The following PDGFC variants were observed in gnomAD, a reference collection of about 807,000 sequenced individuals.
The protein encoded by PDGFC is platelet-derived growth factor C.
In PDGFC, 12 loss-of-function variants were observed where a neutral mutation model predicts 35.5. The ratio of observed to expected loss-of-function variants is 0.34; its 90% CI spans 0.22 to 0.55. The LOEUF (loss-of-function observed/expected upper bound fraction) is 0.55, where lower values mean the gene tolerates loss of function less well. Among genes scored for constraint, PDGFC ranks in the 20% least tolerant of loss-of-function variants. The pLI is 0.91. For synonymous variants in PDGFC, 159 were observed against 148.8 expected (o/e 1.07, Z -0.50); for missense variants, 322 against 412.4 (o/e 0.78, Z 1.90).
chr4:156,958,506 A>G (rs947209003), intron 1 of PDGFC, among the ~76,000 whole-genome samples: 1 of 152,060 alleles, frequency 6.6e-6, no homozygotes, highest in Non-Finnish European at 1.5e-5. Flanking sequence ...AGAAAGGCTC[A>G]TTGATTTTTA....
At chr4:156,871,236 C>T (rs1424582816) in intron 1 of PDGFC, among the ~76,000 whole-genome samples, 1 of 151,922 alleles carries the variant, frequency 6.6e-6, no homozygotes, top group Non-Finnish European at 1.5e-5. Context: ...AGCACTAAAA[C>T]AGAAATGAAT....
intron 1 of PDGFC, among the ~76,000 whole-genome samples, chr4:156,944,040 G>A (rs548040528): frequency 1.7e-4 from 26 of 152,110 alleles, no homozygotes; most frequent in Non-Finnish European, 3.7e-4. Flanking sequence ...AGTCTGCTTA[G>A]CACCTAGCCA....
intron 1 of PDGFC, among the ~76,000 whole-genome samples, chr4:156,936,030 C>A (rs1026197752): frequency 6.6e-6 from 1 of 152,274 alleles, no homozygotes; most frequent in African/African-American, 2.4e-5. Flanking sequence ...AAATCAGTAT[C>A]TTTCCTCTTC....
At chr4:156,929,653 T>TA (rs1328494658) in intron 1 of PDGFC, among the ~76,000 whole-genome samples, 1 of 152,240 alleles carries the variant, frequency 6.6e-6, no homozygotes, top group East Asian at 1.9e-4. Context: ...GTGAATGATT[T>TA]ACTGTTCAGT....
chr4:156,907,848 C>T (rs919248149), intron 1 of PDGFC, among the ~76,000 whole-genome samples: 3 of 152,108 alleles, frequency 2.0e-5, no homozygotes, highest in Non-Finnish European at 4.4e-5. Context: ...TCCAGTCCTT[C>T]CTACTGTCTC....
chr4:156,959,996 T>A (rs531727422), intron 1 of PDGFC, among the ~76,000 whole-genome samples: 1 of 151,946 alleles, frequency 6.6e-6, no homozygotes, highest in African/African-American at 2.4e-5. Context: ...TCACTAATTT[T>A]TTCTTCGTTA....
intron 1 of PDGFC, among the ~76,000 whole-genome samples, chr4:156,965,842 G>A (rs1185216805): frequency 6.6e-6 from 1 of 152,110 alleles, no homozygotes; most frequent in Non-Finnish European, 1.5e-5. Context: ...ACCCCAATAT[G>A]AACTAAAATT....
intron 2 of PDGFC, among the ~76,000 whole-genome samples, chr4:156,817,129 C>G (rs1018431140): frequency 6.6e-6 from 1 of 151,846 alleles, no homozygotes; most frequent in East Asian, 1.9e-4. Context: ...TGAGAAACTA[C>G]TCATTTAAAA....
rs868313578 is a variant in PDGFC, at chr4:156,971,691, T to C, written c.-788A>G. The stretch of plus-strand genomic sequence containing the variant: ...CCCCGCTCCTCAAAGCCTGGGGCAA[T>C]TCGGCCGCTCGGGGTCACCGCGGGG... On this transcript the variant is annotated 5_prime_UTR_variant, in exon 1 of 6. Coordinates refer to ENST00000502773, the MANE Select transcript of PDGFC (RefSeq NM_016205.3). 4.6e-5 allele frequency among the ~76,000 whole-genome samples: 7 copies of C among 151,864 alleles called. No individual in the cohort carries two copies. Among genetic ancestry groups the C allele is most frequent in the Admixed American group, 2.0e-4 (3 of 15,264 alleles).
chr4:156,936,560 T>C (rs575698831), intron 1 of PDGFC, among the ~76,000 whole-genome samples: 162 of 152,240 alleles, frequency 1.1e-3, no homozygotes, highest in African/African-American at 3.1e-3. Flanking sequence ...ATGAGGTAGA[T>C]GAAGAGTGTA....
chr4:156,933,993 G>A (rs1731617326), intron 1 of PDGFC, among the ~76,000 whole-genome samples: 1 of 152,160 alleles, frequency 6.6e-6, no homozygotes. Context: ...ATTAACAGCA[G>A]TGTGAAAATG....
At chr4:156,831,439 CTTTTTTTTTT>C (rs34254264) in intron 2 of PDGFC, among the ~76,000 whole-genome samples, 1 of 99,316 alleles carries the variant, frequency 1.0e-5, no homozygotes, top group Non-Finnish European at 1.9e-5. Flanking sequence ...GAGACCCTGT[CTTTTTTTTTT>C]TTTTTTTTTT....
intron 2 of PDGFC, among the ~76,000 whole-genome samples, chr4:156,817,516 G>C (rs1017610570): frequency 6.6e-6 from 1 of 152,124 alleles, no homozygotes; most frequent in African/African-American, 2.4e-5. Flanking sequence ...AGTAGAAAAA[G>C]TTAAGATACT....
intron 2 of PDGFC, among the ~76,000 whole-genome samples, chr4:156,846,646 T>C (rs1008650133): frequency 1.3e-5 from 2 of 151,846 alleles, no homozygotes; most frequent in African/African-American, 4.8e-5. Flanking sequence ...GGTAAGAGTT[T>C]CATATTAATG....
chr4:156,878,468 C>T (rs1259223677), intron 1 of PDGFC, among the ~76,000 whole-genome samples: 1 of 151,956 alleles, frequency 6.6e-6, no homozygotes, highest in Non-Finnish European at 1.5e-5. Flanking sequence ...AACATAATTC[C>T]TTTGTTCAAA....
chr4:156,852,452 C>G (rs1333762517), intron 1 of PDGFC, among the ~76,000 whole-genome samples: 3 of 152,144 alleles, frequency 2.0e-5, no homozygotes, highest in Non-Finnish European at 4.4e-5. Context: ...TATTTTACTT[C>G]CAGAAACCTA....
intron 1 of PDGFC, among the ~76,000 whole-genome samples, chr4:156,947,297 T>C (rs1731971658): frequency 6.6e-6 from 1 of 152,002 alleles, no homozygotes; most frequent in Non-Finnish European, 1.5e-5. Flanking sequence ...GAGGGTTACT[T>C]TGGCACTTAT....
At chr4:156,945,938 G>A (rs181028283) in intron 1 of PDGFC, among the ~76,000 whole-genome samples, 1 of 152,016 alleles carries the variant, frequency 6.6e-6, no homozygotes, top group Non-Finnish European at 1.5e-5. Context: ...TCAACTACTG[G>A]AACTAAGAAA....
At chr4:156,800,914 A>C (rs1299719929) in intron 3 of PDGFC, among the ~76,000 whole-genome samples, 1 of 152,000 alleles carries the variant, frequency 6.6e-6, no homozygotes, top group Non-Finnish European at 1.5e-5. Flanking sequence ...CTTTCCCCAA[A>C]CTCAACTGTC....
Sources: gnomAD v4.1 joint callset for allele counts (sites outside exome capture counted in the v4.1 genomes callset) on GRCh38, gnomAD v4.1.1 for gene constraint, MANE v1.5 for transcripts, NCBI Gene and HGNC (gene_info 2026-07-23, HGNC 2026-07-21) for gene names.